Variants in RBP4 observed in about 807,000 individuals in gnomAD.
The protein encoded by RBP4 is retinol-binding protein 4.
A neutral mutation model predicts 26.2 loss-of-function variants in RBP4; 9 were observed. That is an observed-to-expected ratio of 0.34 (90% CI 0.21 to 0.60). The LOEUF is 0.60. Among genes scored for constraint, RBP4 ranks in the 20% least tolerant of loss-of-function variants. The pLI, the probability that RBP4 is intolerant of heterozygous loss-of-function variation, is 0.80. For missense variants in RBP4, 244 were observed against 271.3 expected, an observed-to-expected ratio of 0.90 and a Z score of 0.71; for synonymous variants, 114 against 111.0, an observed-to-expected ratio of 1.03 and a Z score of -0.17.
At chr10:93,597,366 G>A (rs1225338723) in intron 4 of RBP4, among the ~76,000 whole-genome samples, 1 of 152,226 alleles carries the variant, frequency 6.6e-6, no homozygotes, top group African/African-American at 2.4e-5. Flanking sequence ...ACAAAACAAT[G>A]ATGATATAAC....
At chr10:93,592,133 C>G in intron 5 of RBP4, 21 bp from the exon 6 acceptor site, 1 of 1,613,376 alleles carries the variant, frequency 6.2e-7, no homozygotes, top group Non-Finnish European at 8.5e-7. Context: ...CAAAACAAAG[C>G]CATTAACGAC....
intron 4 of RBP4, among the ~76,000 whole-genome samples, chr10:93,599,139 C>T (rs1233523383): frequency 1.3e-5 from 2 of 151,568 alleles, no homozygotes; most frequent in Non-Finnish European, 2.9e-5. Context: ...GTTCCAGCTA[C>T]TCAGGAGGCT....
chr10:93,591,786 C>T lies in RBP4; in HGVS notation c.*289G>A. 4.8e-6 allele frequency: 2 copies of T among 418,636 alleles called. No homozygotes were observed. The highest frequency in any genetic ancestry group is 2.8e-5 in the South Asian group (1 of 35,458). 25.9% of individuals were successfully genotyped at this position (418,636 alleles called of 1,614,324 possible). On this transcript the variant is annotated 3_prime_UTR_variant, in exon 6 of 6. Coordinates refer to ENST00000371464, the MANE Select transcript of RBP4 (RefSeq NM_006744.4). ...CGTGCTCCTGGTATAAAGAAGCGCA[C>T]CCCACCCATCCGTCTGCAGCACAGA... is the stretch of plus-strand genomic sequence containing the variant.
chr10:93,599,967 C>G (rs962287181), intron 4 of RBP4, among the ~76,000 whole-genome samples: 1 of 152,140 alleles, frequency 6.6e-6, no homozygotes, highest in Non-Finnish European at 1.5e-5. Context: ...GTGTTCCCTC[C>G]GTCCTTGGAT....
intron 4 of RBP4, among the ~76,000 whole-genome samples, chr10:93,598,464 A>C (rs1370092407): frequency 6.6e-6 from 1 of 152,250 alleles, no homozygotes; most frequent in African/African-American, 2.4e-5. Flanking sequence ...GGCGGGCTTA[A>C]CTACAACACT....
intron 5 of RBP4, among the ~76,000 whole-genome samples, chr10:93,592,782 C>T (rs1469881581): frequency 2.6e-5 from 4 of 151,970 alleles, no homozygotes; most frequent in African/African-American, 9.7e-5. Flanking sequence ...TGGGTCAGTT[C>T]GTGACCAACA....
At chr10:93,592,814 T>C (rs1564788324) in intron 5 of RBP4, among the ~76,000 whole-genome samples, 1 of 151,036 alleles carries the variant, frequency 6.6e-6, no homozygotes, top group Non-Finnish European at 1.5e-5. Flanking sequence ...TTTTGTTTGA[T>C]TATTATTATT....
chr10:93,598,955 A>G (rs1168263226), intron 4 of RBP4, among the ~76,000 whole-genome samples: 1 of 152,246 alleles, frequency 6.6e-6, no homozygotes, highest in Non-Finnish European at 1.5e-5. Context: ...TAAAGCTTCT[A>G]AGCTTTTTCT....
At chr10:93,594,373 C>T (rs959128185) in intron 4 of RBP4, among the ~76,000 whole-genome samples, 3 of 152,150 alleles carry the variant, frequency 2.0e-5, no homozygotes, top group African/African-American at 7.2e-5. Context: ...ATAAACCGTT[C>T]TACTGTCGCT....
At chr10:93,592,822 A>ATT (rs200041693) in intron 5 of RBP4, among the ~76,000 whole-genome samples, 1,916 of 150,788 alleles carry the variant, frequency 0.013, 49 homozygotes, top group African/African-American at 0.045. Context: ...GATTATTATT[A>ATT]TTATTATTTT....
chr10:93,597,540 G>C (rs1224576787), intron 4 of RBP4, among the ~76,000 whole-genome samples: 1 of 152,166 alleles, frequency 6.6e-6, no homozygotes. Context: ...ACCAAGACCT[G>C]CTGATGGTAG....
intron 4 of RBP4, among the ~76,000 whole-genome samples, chr10:93,598,111 G>T (rs1391338051): frequency 6.6e-6 from 1 of 152,126 alleles, no homozygotes; most frequent in Admixed American, 6.6e-5. Context: ...TTCTCTATGG[G>T]CCCCAGTTTC....
At chr10:93,596,159 C>T (rs1172870349) in intron 4 of RBP4, among the ~76,000 whole-genome samples, 1 of 151,622 alleles carries the variant, frequency 6.6e-6, no homozygotes, top group Non-Finnish European at 1.5e-5. Flanking sequence ...TACCTCGACT[C>T]ATGATCCAGG....
In RBP4 at chr10:93,593,883, C is replaced by T. The variant is rs769917680; in HGVS notation, c.508G>A (p.Val170Ile). Residue 170 changes from valine (V) to isoleucine (I), a missense_variant, in exon 5 of 6, where the codon GTA becomes ATA. Physicochemically the swap from Val to Ile is conservative, Grantham distance 29. Transcript: ENST00000371464. ...NGLPPEAQKI[V>I]RQRQEELCLA... Reference sequence around the variant, plus strand: ...CACAGCTCCTCCTGCCGCTGCCTTACAATCTTCTGCGCTTCTGGGGGCAGG... The same window carrying T: ...CACAGCTCCTCCTGCCGCTGCCTTATAATCTTCTGCGCTTCTGGGGGCAGG... 1.9e-6 allele frequency: 3 copies of T among 1,613,646 alleles called. No individual in the cohort carries two copies. Among genetic ancestry groups the T allele is most frequent in the African/African-American group, 2.7e-5 (2 of 75,036 alleles).
At chr10:93,601,272 G>A, upstream of RBP4, 50 of 1,213,174 alleles carry the variant, frequency 4.1e-5, no homozygotes, top group Non-Finnish European at 5.1e-5. Context: ...TTATAGCGCC[G>A]GGGGGAGGGG....
At chr10:93,596,004 C>A (rs900087064) in intron 4 of RBP4, among the ~76,000 whole-genome samples, 1 of 152,130 alleles carries the variant, frequency 6.6e-6, no homozygotes, top group African/African-American at 2.4e-5. Flanking sequence ...TGGGCCTCAC[C>A]CTAACCACTG....
chr10:93,597,514 G>T (rs531783744), intron 4 of RBP4, among the ~76,000 whole-genome samples: 2 of 152,280 alleles, frequency 1.3e-5, no homozygotes, highest in South Asian at 4.1e-4. Context: ...ATCTCAGGGA[G>T]GCTAGCCTGT....
At chr10:93,600,620 G>C in intron 3 of RBP4, 47 bp downstream of exon 3, 1 of 1,612,490 alleles carries the variant, frequency 6.2e-7, no homozygotes, top group Non-Finnish European at 8.5e-7. Flanking sequence ...AGGGCCCTTG[G>C]GGAACCCTGG....
chr10:93,601,072 G>C, intron 1 of RBP4, 26 bp from the exon 2 acceptor site: 1 of 1,597,218 alleles, frequency 6.3e-7, no homozygotes, highest in Non-Finnish European at 8.5e-7. Flanking sequence ...CTCCGTCAGT[G>C]CCCGGCAGCC....
Sources: allele counts gnomAD v4.1 joint callset (sites outside exome capture counted in the v4.1 genomes callset), GRCh38; gene constraint gnomAD v4.1.1; transcripts MANE v1.5; gene names NCBI Gene and HGNC (gene_info 2026-07-23, HGNC 2026-07-21).